Variants in CRPPA observed in about 807,000 individuals in gnomAD.
CRPPA encodes D-ribitol-5-phosphate cytidylyltransferase.
A neutral mutation model predicts 52.0 loss-of-function variants in CRPPA; 43 were observed. The ratio of observed to expected loss-of-function variants is 0.83; its 90% CI spans 0.65 to 1.07. CRPPA has a LOEUF of 1.07. Ranked by LOEUF, CRPPA falls within the 50% of genes least tolerant of loss-of-function variation. The probability of loss-of-function intolerance (pLI) is 0.00; values close to 1 mark genes in which losing one functional copy is unlikely to be tolerated. For missense variants in CRPPA, 629 were observed against 551.7 expected, an observed-to-expected ratio of 1.14 and a Z score of -1.40; for synonymous variants, 250 against 203.5, an observed-to-expected ratio of 1.23 and a Z score of -1.94.
In CRPPA at chr7:16,369,273, G is replaced by T. The variant is rs187476822; in HGVS notation, c.684+6819C>A. Among the ~76,000 whole-genome samples the T allele has an allele frequency of 1.1e-4, 16 of 152,320 alleles. No homozygotes were observed. The East Asian group carries it at 2.9e-3, about 28-fold the overall frequency. On this transcript the variant is annotated intron_variant, in intron 3 of 9. Transcript: ENST00000407010. Reference sequence around the variant, plus strand: ...GGTCGTGACTGATTTGAGCAAGCAGGGGGTACATGACAGGGGCTGCATGCA... The same window carrying T: ...GGTCGTGACTGATTTGAGCAAGCAGTGGGTACATGACAGGGGCTGCATGCA...
intron 8 of CRPPA, among the ~76,000 whole-genome samples, chr7:16,237,137 T>C (rs1782976280): frequency 6.6e-6 from 1 of 152,218 alleles, no homozygotes; most frequent in Non-Finnish European, 1.5e-5. Flanking sequence ...TTAGAGGTTA[T>C]ACTTCTTTTC....
chr7:16,406,018 C>G (rs1026963463), intron 2 of CRPPA, 43 bp downstream of exon 2: 2 of 1,573,242 alleles, frequency 1.3e-6, no homozygotes, highest in Admixed American at 1.7e-5. Flanking sequence ...AACCACACTA[C>G]AGTGCTTGTC....
At chr7:16,330,746 A>T (rs1785529801) in intron 3 of CRPPA, among the ~76,000 whole-genome samples, 1 of 152,144 alleles carries the variant, frequency 6.6e-6, no homozygotes, top group Non-Finnish European at 1.5e-5. Context: ...AATAAAAAAA[A>T]TTGTTTTAAA....
intron 3 of CRPPA, among the ~76,000 whole-genome samples, chr7:16,344,730 A>G (rs1306263479): frequency 1.3e-5 from 2 of 152,104 alleles, no homozygotes; most frequent in East Asian, 3.9e-4. Context: ...TGACTAGTCC[A>G]CTAGATGGGC....
chr7:16,108,684 C>T (rs556947596), intron 9 of CRPPA, among the ~76,000 whole-genome samples: 31 of 151,756 alleles, frequency 2.0e-4, no homozygotes, highest in African/African-American at 5.1e-4. Flanking sequence ...AAATATTCTC[C>T]GGGATAGATC....
At chr7:16,364,469 G>C (rs1410056592) in intron 3 of CRPPA, among the ~76,000 whole-genome samples, 1 of 152,142 alleles carries the variant, frequency 6.6e-6, no homozygotes, top group Non-Finnish European at 1.5e-5. Flanking sequence ...TATGAGTCCT[G>C]ATTGAGAAGG....
rs1456190378 is a variant in CRPPA, at chr7:16,218,384, TAACGAGCAA to T, written c.1120-2196_1120-2188del. On this transcript the variant is annotated intron_variant, in intron 8 of 9. Coordinates refer to ENST00000407010, the MANE Select transcript of CRPPA (RefSeq NM_001101426.4). ...GAGACTAGGAAGAAACTGCATCAACTAACGAGCAAAATCACCAACTAACATCATAATGAC... is the reference window on the plus strand; with the variant it reads ...GAGACTAGGAAGAAACTGCATCAACTAATCACCAACTAACATCATAATGAC... 2.8e-4 allele frequency among the ~76,000 whole-genome samples: 36 copies of T among 127,658 alleles called. 1 individual carries two copies. In the East Asian group the frequency reaches 4.5e-3, roughly 16 times the overall value. 83.7% of individuals were successfully genotyped at this position (127,658 alleles called of 152,430 possible).
At chr7:16,093,589 T>G (rs1781880380) in intron 9 of CRPPA, among the ~76,000 whole-genome samples, 1 of 152,106 alleles carries the variant, frequency 6.6e-6, no homozygotes, top group South Asian at 2.1e-4. Context: ...TGAAAGCGGG[T>G]TTTATACGAC....
chr7:16,087,803 ATCTT>A lies in CRPPA; in HGVS notation c.*3888_*3891del, dbSNP rs1222529460. ...AAATTAAACTTTCTAAATAACTTCT[ATCTT>A]TCTTCTTGCATATGGTTGACATTTT... is the stretch of plus-strand genomic sequence containing the variant. On this transcript the variant is annotated 3_prime_UTR_variant, in exon 10 of 10. Coordinates refer to ENST00000407010, the MANE Select transcript of CRPPA (RefSeq NM_001101426.4). 24 of 152,226 alleles carry A rather than the reference ATCTT, an allele frequency of 1.6e-4. No individual in the cohort carries two copies. In the East Asian group the frequency reaches 4.2e-3, roughly 27 times the overall value. 9.4% of individuals were successfully genotyped at this position (152,226 alleles called of 1,614,324 possible). A position where few individuals can be genotyped will look rare whatever the true frequency, so the allele number is the denominator to read the frequency against.
chr7:16,393,996 AG>A (rs1787507859), intron 2 of CRPPA, among the ~76,000 whole-genome samples: 1 of 147,688 alleles, frequency 6.8e-6, no homozygotes, highest in African/African-American at 2.6e-5. Context: ...AGCATTTTCC[AG>A]TAAATAGACT....
intron 9 of CRPPA, among the ~76,000 whole-genome samples, chr7:16,111,171 G>A (rs1240198823): frequency 6.6e-6 from 1 of 152,040 alleles, no homozygotes; most frequent in African/African-American, 2.4e-5. Flanking sequence ...ACAAGTGTAT[G>A]AAAAAATGCT....
At chr7:16,322,621 T>C (rs1442192330) in intron 3 of CRPPA, among the ~76,000 whole-genome samples, 1 of 152,082 alleles carries the variant, frequency 6.6e-6, no homozygotes, top group Non-Finnish European at 1.5e-5. Flanking sequence ...ATTTTTAGGG[T>C]AAGGAAACCT....
chr7:16,128,832 TA>T (rs1430577070), intron 9 of CRPPA, among the ~76,000 whole-genome samples: 1 of 152,110 alleles, frequency 6.6e-6, no homozygotes, highest in African/African-American at 2.4e-5. Context: ...TTACTAGGGC[TA>T]AGGTATAAAA....
At chr7:16,238,598 G>C (rs1157442849) in intron 8 of CRPPA, among the ~76,000 whole-genome samples, 1 of 151,960 alleles carries the variant, frequency 6.6e-6, no homozygotes, top group Admixed American at 6.6e-5. Flanking sequence ...TAAAAAAGGA[G>C]GATAAGAAAT....
chr7:16,283,282 A>G (rs1048845578), intron 5 of CRPPA, among the ~76,000 whole-genome samples: 11 of 140,936 alleles, frequency 7.8e-5, no homozygotes, highest in Non-Finnish European at 1.3e-4. Flanking sequence ...TACTATCTAT[A>G]GAGATCTACC....
At chr7:16,217,308 C>G (rs1178461728) in intron 8 of CRPPA, among the ~76,000 whole-genome samples, 47 of 151,828 alleles carry the variant, frequency 3.1e-4, no homozygotes, top group African/African-American at 9.4e-4. Context: ...CATCATCAAA[C>G]ACCAAAAGTA....
chr7:16,356,121 A>T (rs1228334199), intron 3 of CRPPA, among the ~76,000 whole-genome samples: 1 of 152,198 alleles, frequency 6.6e-6, no homozygotes, highest in Admixed American at 6.5e-5. Context: ...TGAAAAAAAA[A>T]TGTATGTTTA....
intron 2 of CRPPA, among the ~76,000 whole-genome samples, chr7:16,382,729 C>T (rs917969497): frequency 1.3e-5 from 2 of 151,982 alleles, no homozygotes; most frequent in Non-Finnish European, 2.9e-5. Context: ...CTTCTGGCTT[C>T]ATTTCATTCA....
rs1337009914 is a variant in CRPPA, at chr7:16,089,676, A to T, written c.*2019T>A. 1 of 199,442 alleles carries T rather than the reference A, an allele frequency of 5.0e-6. No individual in the cohort carries two copies. Among genetic ancestry groups the T allele is most frequent in the African/African-American group, 2.3e-5 (1 of 43,686 alleles). The allele number at this position is 199,442 out of a possible 1,614,324, so 12.4% of individuals were successfully genotyped here. On this transcript the variant is annotated 3_prime_UTR_variant, in exon 10 of 10. Coordinates refer to ENST00000407010, the MANE Select transcript of CRPPA (RefSeq NM_001101426.4). Reference sequence around the variant, plus strand: ...GCTGTGAATTGCTTTGCCTGCTATGAAGGACCAAATGCTATTTTTTCCAGG... The same window carrying T: ...GCTGTGAATTGCTTTGCCTGCTATGTAGGACCAAATGCTATTTTTTCCAGG...
Sources: gnomAD v4.1 joint callset for allele counts (sites outside exome capture counted in the v4.1 genomes callset) on GRCh38, gnomAD v4.1.1 for gene constraint, MANE v1.5 for transcripts, NCBI Gene and HGNC (gene_info 2026-07-23, HGNC 2026-07-21) for gene names.